GCNT2: variants seen among roughly 807,000 people sequenced by gnomAD.
The protein encoded by GCNT2 is glucosaminyl (N-acetyl) transferase 2 (I blood group), also known as N-acetyllactosaminide beta-1,6-N-acetylglucosaminyl-transferase.
GCNT2 carries 34 observed loss-of-function variants against 34.2 expected under a neutral mutation model. The observed-to-expected ratio is 1.00, with a 90% CI of 0.76 to 1.32. GCNT2 has a LOEUF of 1.32. GCNT2 is among the 40% of genes most tolerant of loss of function. The pLI is 0.00. For synonymous variants in GCNT2, 212 were observed against 188.0 expected, an observed-to-expected ratio of 1.13 and a Z score of -1.04; for missense variants, 584 against 489.4, an observed-to-expected ratio of 1.19 and a Z score of -1.82.
intron 3 of GCNT2, among the ~76,000 whole-genome samples, chr6:10,545,035 A>T (rs1762211107): frequency 6.6e-6 from 1 of 152,166 alleles, no homozygotes; most frequent in African/African-American, 2.4e-5. Flanking sequence ...ATTTAATCCT[A>T]ATATGTAGTT....
intron 3 of GCNT2, among the ~76,000 whole-genome samples, chr6:10,580,547 G>A (rs540814308): frequency 6.6e-6 from 1 of 152,012 alleles, no homozygotes; most frequent in South Asian, 2.1e-4. Context: ...CACAACTAAA[G>A]CCTTAGACAC....
chr6:10,576,002 CA>C (rs1444777467), intron 3 of GCNT2, among the ~76,000 whole-genome samples: 28 of 152,312 alleles, frequency 1.8e-4, no homozygotes, highest in African/African-American at 6.0e-4. Flanking sequence ...AATAAACAGC[CA>C]TGTTGCTCAC....
At chr6:10,600,997 G>A (rs1561830368) in intron 3 of GCNT2, among the ~76,000 whole-genome samples, 1 of 152,048 alleles carries the variant, frequency 6.6e-6, no homozygotes, top group Non-Finnish European at 1.5e-5. Flanking sequence ...TCGCCATTTT[G>A]CCCAGGCTGG....
intron 3 of GCNT2, among the ~76,000 whole-genome samples, chr6:10,611,358 G>C (rs913732033): frequency 6.9e-6 from 1 of 145,218 alleles, no homozygotes; most frequent in Non-Finnish European, 1.5e-5. Context: ...TTGAGACGGA[G>C]TCTCGCTCTA....
At chr6:10,570,958 T>C (rs1763529297) in intron 3 of GCNT2, among the ~76,000 whole-genome samples, 1 of 152,228 alleles carries the variant, frequency 6.6e-6, no homozygotes, top group Admixed American at 6.5e-5. Context: ...GTACTCAGTC[T>C]AAACCAAGCC....
At chr6:10,585,383 G>A (rs1013146673) in intron 3 of GCNT2, among the ~76,000 whole-genome samples, 2 of 152,000 alleles carry the variant, frequency 1.3e-5, no homozygotes, top group African/African-American at 2.4e-5. Flanking sequence ...TATGTGCCCA[G>A]AGGTACAGAT....
intron 3 of GCNT2, among the ~76,000 whole-genome samples, chr6:10,543,588 T>G (rs779349510): frequency 4.6e-5 from 7 of 152,216 alleles, no homozygotes; most frequent in Non-Finnish European, 8.8e-5. Flanking sequence ...GTATGAGGGT[T>G]CCAATTTTTT....
chr6:10,586,361 C>T, intron 3 of GCNT2: 2 of 1,614,148 alleles, frequency 1.2e-6, no homozygotes, highest in Non-Finnish European at 8.5e-7. Context: ...AAAATGTCTA[C>T]TGTGTTCACG....
intron 4 of GCNT2, 83 bp downstream of exon 4, chr6:10,621,526 A>T (rs1447430913): frequency 8.2e-6 from 7 of 849,234 alleles, no homozygotes; most frequent in Non-Finnish European, 1.4e-5. Context: ...GTTCTCATGG[A>T]GAGAGAATTG....
intron 3 of GCNT2, among the ~76,000 whole-genome samples, chr6:10,588,827 GTGTA>G (rs938018992): frequency 4.1e-5 from 6 of 146,890 alleles, no homozygotes; most frequent in East Asian, 2.0e-4. Flanking sequence ...TGTGTTTGCA[GTGTA>G]TGTGTGTGGT....
intron 3 of GCNT2, chr6:10,574,761 G>T (rs573535507): frequency 5.2e-6 from 3 of 571,968 alleles, no homozygotes; most frequent in African/African-American, 1.9e-5. Context: ...CCATGAATTC[G>T]TAGGGAAGAG....
In GCNT2 at chr6:10,626,533, T is replaced by G. The variant is rs1339710787; in HGVS notation, c.1135T>G (p.Cys379Gly). The G allele has an allele frequency of 6.2e-7, 1 of 1,613,856 alleles. No individual in the cohort carries two copies. The highest frequency in any genetic ancestry group is 1.7e-5 in the Admixed American group (1 of 60,006). ...ELNTYPLTVE[C>G]LELRHRERTL... is the part of the protein sequence containing the mutation. The stretch of plus-strand genomic sequence containing the variant: ...TAATACCTACCCCCTTACTGTGGAA[T>G]GCCTAGAACTGAGGCATCGCGAAAG... The change falls in exon 5 of 5, where the codon TGC becomes GGC. Residue 379 changes from cysteine to glycine, a missense_variant. Coordinates refer to ENST00000495262, the MANE Select transcript of GCNT2 (RefSeq NM_145649.5).
intron 3 of GCNT2, chr6:10,556,605 AAAAC>A (rs1434603952): frequency 2.5e-6 from 4 of 1,614,082 alleles, no homozygotes; most frequent in East Asian, 2.2e-5. Flanking sequence ...TTCCTGTGGA[AAAAC>A]AAACTAATGA....
In GCNT2 at chr6:10,528,645, T is replaced by C; in HGVS notation, c.-267T>C. The stretch of plus-strand genomic sequence containing the variant: ...TTTTTGTGTAGACACAGGTTGCAGG[T>C]TAGCAGGAGAACAGGCAAGCCAAAT... On this transcript the variant is annotated 5_prime_UTR_variant, in exon 3 of 5. Transcript: ENST00000495262. 5.8e-6 allele frequency: 3 copies of C among 520,450 alleles called. No individual in the cohort carries two copies. The highest frequency in any genetic ancestry group is 1.0e-5 in the Non-Finnish European group (3 of 288,468). The allele number at this position is 520,450 out of a possible 1,614,324, so 32.2% of individuals were successfully genotyped here. A position where few individuals can be genotyped will look rare whatever the true frequency, so the allele number is the denominator to read the frequency against.
At chr6:10,572,674 C>T (rs2127398189) in intron 3 of GCNT2, among the ~76,000 whole-genome samples, 1 of 152,112 alleles carries the variant, frequency 6.6e-6, no homozygotes, top group Admixed American at 6.5e-5. Context: ...GCGGAGCTTG[C>T]AGTGAGCTGA....
chr6:10,609,126 G>C (rs984160668), intron 3 of GCNT2, among the ~76,000 whole-genome samples: 1 of 152,212 alleles, frequency 6.6e-6, no homozygotes, highest in Non-Finnish European at 1.5e-5. Flanking sequence ...CCAGTCTGCT[G>C]TTTGTAGTCT....
intron 3 of GCNT2, among the ~76,000 whole-genome samples, chr6:10,617,603 T>G (rs1162063123): frequency 6.6e-6 from 1 of 152,216 alleles, no homozygotes; most frequent in Non-Finnish European, 1.5e-5. Context: ...CATCTGGGAA[T>G]GCGGTCCAGT....
intron 3 of GCNT2, among the ~76,000 whole-genome samples, chr6:10,603,279 TAGTC>T (rs1165808519): frequency 6.6e-6 from 1 of 152,250 alleles, no homozygotes; most frequent in African/African-American, 2.4e-5. Flanking sequence ...CAATGTAGGT[TAGTC>T]AGCTATTTAA....
intron 3 of GCNT2, among the ~76,000 whole-genome samples, chr6:10,575,770 G>T (rs879633566): frequency 5.9e-5 from 9 of 152,140 alleles, no homozygotes; most frequent in African/African-American, 2.2e-4. Flanking sequence ...GCCGGTCCTT[G>T]CCTTGAGTGA....
Sources: gnomAD v4.1 joint callset for allele counts (sites outside exome capture counted in the v4.1 genomes callset) on GRCh38, gnomAD v4.1.1 for gene constraint, MANE v1.5 for transcripts, NCBI Gene and HGNC (gene_info 2026-07-23, HGNC 2026-07-21) for gene names.